The following ICA1 variants were observed in gnomAD, a reference collection of about 807,000 sequenced individuals.
ICA1 encodes the protein 69 kDa islet cell autoantigen.
Under a neutral mutation model 71.0 loss-of-function variants are expected in ICA1, and 40 were observed. The observed-to-expected ratio is 0.56, with a 90% CI of 0.44 to 0.73. The LOEUF is 0.73. Among genes scored for constraint, ICA1 ranks in the 30% least tolerant of loss-of-function variants. The pLI, the probability that ICA1 is intolerant of heterozygous loss-of-function variation, is 0.00. For synonymous variants in ICA1, 207 were observed against 209.5 expected (o/e 0.99, Z 0.10); for missense variants, 578 against 576.5 (o/e 1.00, Z -0.03).
chr7:8,159,930 CGTAAAG>C (rs1228237588), intron 6 of ICA1, among the ~76,000 whole-genome samples: 1 of 151,866 alleles, frequency 6.6e-6, no homozygotes, highest in Non-Finnish European at 1.5e-5. Context: ...CTCAGATCAT[CGTAAAG>C]TTATAGATAC....
At chr7:8,189,673 A>G (rs1784944280) in intron 6 of ICA1, among the ~76,000 whole-genome samples, 1 of 152,014 alleles carries the variant, frequency 6.6e-6, no homozygotes, top group African/African-American at 2.4e-5. Flanking sequence ...GGCCTCACTG[A>G]ACCCCCAGCT....
At chr7:8,165,008 T>C (rs1166603834) in intron 6 of ICA1, among the ~76,000 whole-genome samples, 1 of 151,972 alleles carries the variant, frequency 6.6e-6, no homozygotes, top group Non-Finnish European at 1.5e-5. Context: ...GCCCAGGAGG[T>C]GGAGGCTGCA....
intron 6 of ICA1, among the ~76,000 whole-genome samples, chr7:8,175,650 A>T (rs1406460605): frequency 6.6e-6 from 1 of 152,160 alleles, no homozygotes; most frequent in Admixed American, 6.5e-5. Context: ...AAGCCACCAA[A>T]CTTTTTCCCT....
chr7:8,177,997 G>A (rs890053672), intron 6 of ICA1, among the ~76,000 whole-genome samples: 11 of 152,204 alleles, frequency 7.2e-5, no homozygotes, highest in Non-Finnish European at 1.3e-4. Context: ...TCTGGAATGT[G>A]AGCACAGGAC....
chr7:8,261,606 G>A (rs756294145), intron 1 of ICA1, among the ~76,000 whole-genome samples: 105 of 152,296 alleles, frequency 6.9e-4, no homozygotes, highest in South Asian at 2.9e-3. Context: ...CCAAAAAAAG[G>A]GCCACGGAGG....
chr7:8,186,974 T>C (rs1784110914), intron 6 of ICA1, among the ~76,000 whole-genome samples: 2 of 152,238 alleles, frequency 1.3e-5, no homozygotes, highest in African/African-American at 4.8e-5. Flanking sequence ...AACAAGAATG[T>C]TTATGTTGTG....
chr7:8,146,773 T>C (rs1038190797), intron 8 of ICA1, among the ~76,000 whole-genome samples: 1 of 150,170 alleles, frequency 6.7e-6, no homozygotes, highest in African/African-American at 2.5e-5. Context: ...GTTTAGTATA[T>C]GTGCAGCCAG....
intron 1 of ICA1, among the ~76,000 whole-genome samples, chr7:8,239,139 C>G (rs1009029715): frequency 6.6e-6 from 1 of 152,190 alleles, no homozygotes; most frequent in Admixed American, 6.5e-5. Flanking sequence ...GCAGCTGGAG[C>G]CAGTGCTAAC....
At chr7:8,128,188 G>T in intron 12 of ICA1, 46 bp from the exon 13 acceptor site, 1 of 1,588,632 alleles carries the variant, frequency 6.3e-7, no homozygotes, top group Non-Finnish European at 8.6e-7. Flanking sequence ...GAGGGCTCAA[G>T]CCCTCAGGAA....
chr7:8,202,378 C>T (rs1037261231), intron 6 of ICA1, among the ~76,000 whole-genome samples: 3 of 152,190 alleles, frequency 2.0e-5, no homozygotes, highest in East Asian at 1.9e-4. Flanking sequence ...GTGTCTTCCT[C>T]TTGGGGAGTT....
At chr7:8,179,674 T>C (rs1781612347) in intron 6 of ICA1, among the ~76,000 whole-genome samples, 1 of 152,204 alleles carries the variant, frequency 6.6e-6, no homozygotes, top group Non-Finnish European at 1.5e-5. Context: ...TCTGGTGAAC[T>C]TCTGGTGCTC....
Position 8,129,598 on chromosome 7 carries a change from T to C in ICA1, c.1061-1456A>G, listed in dbSNP as rs565209233. Among the ~76,000 whole-genome samples, 5 of 152,342 alleles carry C rather than the reference T, an allele frequency of 3.3e-5. 1 individual carries two copies. The highest frequency in any genetic ancestry group is 1.2e-4 in the African/African-American group (5 of 41,566). On this transcript the variant is annotated intron_variant, in intron 12 of 13. Transcript: ENST00000402384. ...CTAATGTAAGCATTCTTATTGTTTG[T>C]GTTATCACAGAAATTCTCACTAAGA... is the stretch of plus-strand genomic sequence containing the variant.
At chr7:8,218,886 C>T (rs3823818) in intron 5 of ICA1, 116,548 of 321,540 alleles carry the variant, frequency 0.36, 23,744 homozygotes, top group African/African-American at 0.65. Context: ...AGGAATGGAG[C>T]GTATGTGATT....
chr7:8,139,090 G>T (rs760018155), intron 10 of ICA1, 43 bp from the exon 11 acceptor site: 3 of 1,470,222 alleles, frequency 2.0e-6, no homozygotes, highest in South Asian at 1.1e-5. Flanking sequence ...AACTCGAAAT[G>T]GTGTGCATGT....
At chr7:8,175,609 T>C (rs1780361431) in intron 6 of ICA1, among the ~76,000 whole-genome samples, 1 of 152,190 alleles carries the variant, frequency 6.6e-6, no homozygotes, top group African/African-American at 2.4e-5. Context: ...GCAACCTTCA[T>C]TCAGATACTC....
At chr7:8,209,274 G>GA (rs1792767929) in intron 6 of ICA1, among the ~76,000 whole-genome samples, 2 of 151,980 alleles carry the variant, frequency 1.3e-5, no homozygotes, top group South Asian at 4.1e-4. Flanking sequence ...CTCCACACTT[G>GA]AAAAAAATCT....
chr7:8,152,813 C>CACCACAATT (rs1799858586), intron 8 of ICA1, among the ~76,000 whole-genome samples: 15 of 127,336 alleles, frequency 1.2e-4, no homozygotes, highest in African/African-American at 4.3e-4. Context: ...CCACCACCAC[C>CACCACAATT]ATCTCCTTCA....
Position 8,232,630 on chromosome 7 carries a change from T to C in ICA1, c.143A>G (p.His48Arg), listed in dbSNP as rs941798189. ...CAGGTCCGCGTCAGAGGCAACAACATGTTCATCTTCCTTCTTCCCTGTGGC... is the reference window on the plus strand; with the variant it reads ...CAGGTCCGCGTCAGAGGCAACAACACGTTCATCTTCCTTCTTCCCTGTGGC... ...IKATGKKEDE[H>R]VVASDADLDA... Residue 48 changes from histidine to arginine, a missense_variant, in exon 3 of 14, where the codon CAT becomes CGT. Physicochemically the swap from His to Arg is conservative, Grantham distance 29 (BLOSUM62 0). Transcript: ENST00000402384. The C allele has an allele frequency of 3.7e-6, 6 of 1,613,342 alleles. No individual in the cohort carries two copies. The Admixed American group carries it at 5.0e-5, about 13-fold the overall frequency.
In ICA1 at chr7:8,144,053, C is replaced by G; in HGVS notation, c.805-81G>C. 1.2e-6 allele frequency: 1 copy of G among 850,876 alleles called. No individual in the cohort carries two copies. Among genetic ancestry groups the G allele is most frequent in the Non-Finnish European group, 1.8e-6 (1 of 548,724 alleles). 52.7% of individuals were successfully genotyped at this position (850,876 alleles called of 1,614,324 possible). On this transcript the variant is annotated intron_variant, in intron 8 of 13. Coordinates refer to ENST00000402384, the MANE Select transcript of ICA1 (RefSeq NM_001136020.3). The surrounding 1 kb of genome is among the most constrained non-coding windows in gnomAD (Gnocchi z 4.5). ...ACAAAAAAAAGAAAAGAAAGGTTAT[C>G]AATTAAAAAATTCAACTGCCATTTG...
Sources: allele counts gnomAD v4.1 joint callset (sites outside exome capture counted in the v4.1 genomes callset), GRCh38; gene constraint gnomAD v4.1.1; non-coding constraint Gnocchi (gnomAD v3.1); transcripts MANE v1.5; gene names NCBI Gene and HGNC (gene_info 2026-07-23, HGNC 2026-07-21).